Variants in NDFIP2 observed in about 807,000 individuals in gnomAD.
The protein encoded by NDFIP2 is Nedd4 family interacting protein 2.
Under a neutral mutation model 36.0 loss-of-function variants are expected in NDFIP2, and 19 were observed. The ratio of observed to expected loss-of-function variants is 0.53; its 90% CI spans 0.37 to 0.77. The LOEUF is 0.77. Among genes scored for constraint, NDFIP2 ranks in the 30% least tolerant of loss-of-function variants. NDFIP2 has a pLI of 0.00. For missense variants in NDFIP2, 446 were observed against 435.8 expected, an observed-to-expected ratio of 1.02 and a Z score of -0.21; for synonymous variants, 181 against 167.7, an observed-to-expected ratio of 1.08 and a Z score of -0.61.
intron 2 of NDFIP2, among the ~76,000 whole-genome samples, chr13:79,521,644 T>C (rs1874586492): frequency 6.6e-6 from 1 of 152,172 alleles, no homozygotes; most frequent in East Asian, 1.9e-4. Context: ...CATCTACTGC[T>C]CTCAAATTAA....
intron 1 of NDFIP2, among the ~76,000 whole-genome samples, chr13:79,518,433 G>A (rs1254439413): frequency 6.6e-6 from 1 of 152,168 alleles, no homozygotes; most frequent in Non-Finnish European, 1.5e-5. Context: ...TCACAAAAAT[G>A]TTTTGCTAGT....
chr13:79,549,506 A>G (rs182531955), intron 6 of NDFIP2, among the ~76,000 whole-genome samples: 160 of 152,074 alleles, frequency 1.1e-3, no homozygotes, highest in Middle Eastern at 3.4e-3. Context: ...CTTCAGAGCC[A>G]TAATCTAGTG....
At chr13:79,487,999 AAGTT>A (rs1873087083) in intron 1 of NDFIP2, among the ~76,000 whole-genome samples, 1 of 152,166 alleles carries the variant, frequency 6.6e-6, no homozygotes, top group African/African-American at 2.4e-5. Context: ...AGGCAGAAGA[AAGTT>A]AGGATAACTT....
intron 7 of NDFIP2, among the ~76,000 whole-genome samples, chr13:79,551,323 T>A (rs1017061779): frequency 1.3e-5 from 2 of 151,530 alleles, no homozygotes; most frequent in Admixed American, 6.6e-5. Context: ...AAAATTGAAT[T>A]TCATAAATTT....
chr13:79,528,156 A>T (rs1874873390), intron 2 of NDFIP2, among the ~76,000 whole-genome samples: 1 of 152,094 alleles, frequency 6.6e-6, no homozygotes, highest in South Asian at 2.1e-4. Flanking sequence ...GCTGCTTGGG[A>T]GTCTGAGGTG....
intron 2 of NDFIP2, among the ~76,000 whole-genome samples, chr13:79,528,452 AT>A (rs969168085): frequency 3.2e-4 from 48 of 152,254 alleles, no homozygotes; most frequent in African/African-American, 1.1e-3. Flanking sequence ...AGGAAGAAAA[AT>A]ATTTTAAAAT....
chr13:79,510,045 T>C (rs1594847202), intron 1 of NDFIP2, among the ~76,000 whole-genome samples: 1 of 152,194 alleles, frequency 6.6e-6, no homozygotes, highest in African/African-American at 2.4e-5. Flanking sequence ...TTTGCATACT[T>C]CAACCAAGTT....
In NDFIP2 at chr13:79,481,537, C is replaced by T. The variant is rs961689826; in HGVS notation, c.321+13C>T. On this transcript the variant is annotated intron_variant, in intron 1 of 7. Coordinates refer to ENST00000218652, the MANE Select transcript of NDFIP2 (RefSeq NM_019080.3). ...GCGCTACCAGGTGGTGAGTTCCCGG[C>T]CTCCTGTGCCTCCCGGGACTGCCTC... The T allele has an allele frequency of 3.9e-6, 6 of 1,541,236 alleles. No individual in the cohort carries two copies. Among genetic ancestry groups the T allele is most frequent in the Non-Finnish European group, 5.2e-6 (6 of 1,143,946 alleles).
At chr13:79,548,300 G>C (rs149937970) in intron 5 of NDFIP2, 28 bp from the exon 6 acceptor site, 1 of 1,442,656 alleles carries the variant, frequency 6.9e-7, no homozygotes, top group Non-Finnish European at 9.6e-7. Flanking sequence ...GTATGAATTC[G>C]GTTAATATAT....
At chr13:79,518,166 GCA>G (rs1165178890) in intron 1 of NDFIP2, among the ~76,000 whole-genome samples, 2 of 152,306 alleles carry the variant, frequency 1.3e-5, no homozygotes, top group East Asian at 3.9e-4. Context: ...AATACCAAGT[GCA>G]ACATGTCACT....
intron 3 of NDFIP2, among the ~76,000 whole-genome samples, chr13:79,535,574 A>T (rs1431374845): frequency 6.6e-6 from 1 of 152,210 alleles, no homozygotes; most frequent in Non-Finnish European, 1.5e-5. Flanking sequence ...AATTTCATAG[A>T]CAGCAAAGTA....
Position 79,554,068 on chromosome 13 carries a change from A to G in NDFIP2, c.*1555A>G, listed in dbSNP as rs1346572412. ...AATTTTTTCATTGTCTTTGATAAAT[A>G]AAACAGTTTTGTTTTGCTAATATAG... On this transcript the variant is annotated 3_prime_UTR_variant, in exon 8 of 8. Coordinates refer to ENST00000218652, the MANE Select transcript of NDFIP2 (RefSeq NM_019080.3). The G allele has an allele frequency of 6.6e-6, 1 of 151,626 alleles. No homozygotes were observed. The highest frequency in any genetic ancestry group is 1.5e-5 in the Non-Finnish European group (1 of 67,636). 9.4% of individuals were successfully genotyped at this position (151,626 alleles called of 1,614,324 possible). A position where few individuals can be genotyped will look rare whatever the true frequency, so the allele number is the denominator to read the frequency against.
At chr13:79,538,798 G>A (rs1875346271) in intron 3 of NDFIP2, among the ~76,000 whole-genome samples, 1 of 152,196 alleles carries the variant, frequency 6.6e-6, no homozygotes, top group Non-Finnish European at 1.5e-5. Flanking sequence ...GGCCAGGCAG[G>A]TCTTGAACTC....
rs979026297 is a variant in NDFIP2 at position 79,548,972 on chromosome 13, A to T, written c.907+578A>T. ...TTTTGTTTTTTACCTTCAATGTGAG[A>T]TAATTAAGTTAATCATTAAATCACA... is the stretch of plus-strand genomic sequence containing the variant. On this transcript the variant is annotated intron_variant, in intron 6 of 7. Coordinates refer to ENST00000218652, the MANE Select transcript of NDFIP2 (RefSeq NM_019080.3). Among the ~76,000 whole-genome samples, 4 of 151,938 alleles carry T rather than the reference A, an allele frequency of 2.6e-5. No homozygotes were observed. The East Asian group carries it at 7.7e-4, about 29-fold the overall frequency.
chr13:79,523,904 T>G (rs1874689760), intron 2 of NDFIP2, among the ~76,000 whole-genome samples: 1 of 152,218 alleles, frequency 6.6e-6, no homozygotes, highest in Non-Finnish European at 1.5e-5. Context: ...TGAAACCTTT[T>G]GGAAGAACAT....
chr13:79,547,544 A>AT (rs1875735177), intron 5 of NDFIP2, among the ~76,000 whole-genome samples: 1 of 152,164 alleles, frequency 6.6e-6, no homozygotes, highest in African/African-American at 2.4e-5. Context: ...AATTAGATTG[A>AT]TTTTTTAAAA....
At position 79,491,802 on chromosome 13, in the gene NDFIP2, G is replaced by A. The variant is rs764704199; in HGVS notation, c.321+10278G>A. On this transcript the variant is annotated intron_variant, in intron 1 of 7. Coordinates refer to ENST00000218652, the MANE Select transcript of NDFIP2 (RefSeq NM_019080.3). ...TAAGGCTATGCAATTGTAAATCATCGTATGTCTCTGTTTTCGGGCCATGTT... is the reference window on the plus strand; with the variant it reads ...TAAGGCTATGCAATTGTAAATCATCATATGTCTCTGTTTTCGGGCCATGTT... Among the ~76,000 whole-genome samples the A allele has an allele frequency of 7.2e-5, 11 of 152,212 alleles. No individual in the cohort carries two copies. The East Asian group carries it at 7.7e-4, about 11-fold the overall frequency.
intron 2 of NDFIP2, among the ~76,000 whole-genome samples, chr13:79,522,954 C>G (rs1302715761): frequency 6.6e-6 from 1 of 152,192 alleles, no homozygotes; most frequent in African/African-American, 2.4e-5. Flanking sequence ...AACTTGAAGA[C>G]TAACTTTTAA....
rs181365772 is a variant in NDFIP2 at position 79,514,735 on chromosome 13, A to G, written c.322-6075A>G. ...GCAAAGGATTAGTGAGTGGTTATACAGTCCTGGAGCTCAGAAAAACAGTCT... is the reference window on the plus strand; with the variant it reads ...GCAAAGGATTAGTGAGTGGTTATACGGTCCTGGAGCTCAGAAAAACAGTCT... On this transcript the variant is annotated intron_variant, in intron 1 of 7. Coordinates refer to ENST00000218652, the MANE Select transcript of NDFIP2 (RefSeq NM_019080.3). Among the ~76,000 whole-genome samples the G allele has an allele frequency of 4.0e-3, 611 of 152,332 alleles. 2 individuals are homozygous for G. The highest frequency in any genetic ancestry group is 0.02 in the Middle Eastern group (6 of 294).
Sources: allele counts gnomAD v4.1 joint callset (sites outside exome capture counted in the v4.1 genomes callset), GRCh38; gene constraint gnomAD v4.1.1; transcripts MANE v1.5; gene names NCBI Gene and HGNC (gene_info 2026-07-23, HGNC 2026-07-21).